The following PLEKHH2 variants were observed in gnomAD, a reference collection of about 807,000 sequenced individuals.
PLEKHH2 encodes pleckstrin homology domain-containing family H member 2.
PLEKHH2 carries 129 observed loss-of-function variants against 187.9 expected under a neutral mutation model. That is an observed-to-expected ratio of 0.69 (90% CI 0.59 to 0.79). PLEKHH2 has a LOEUF of 0.79. Among genes scored for constraint, PLEKHH2 ranks in the 30% least tolerant of loss-of-function variants. The probability of loss-of-function intolerance (pLI) is 0.00; values close to 1 mark genes in which losing one functional copy is unlikely to be tolerated. For missense variants in PLEKHH2, 2,076 were observed against 1,751.2 expected, an observed-to-expected ratio of 1.19 and a Z score of -3.31; for synonymous variants, 686 against 605.6, an observed-to-expected ratio of 1.13 and a Z score of -1.95.
In PLEKHH2 at chr2:43,743,835, T is replaced by C; in HGVS notation, c.3401T>C (p.Val1134Ala). The change falls in exon 23 of 30, where the codon GTA becomes GCA. Residue 1134 changes from valine to alanine, a missense_variant and splice_region_variant. Val to Ala is a moderately conservative substitution (Grantham distance 64, BLOSUM62 0). Transcript: ENST00000282406. ...PVHFMNGIYQ[V>A]VGFDASTTVE... The stretch of plus-strand genomic sequence containing the variant: ...AACTGCTTTGTTATTTCTGTCTAGG[T>C]AGTTGGTTTTGACGCATCTACCACA... The C allele has an allele frequency of 6.2e-7, 1 of 1,611,760 alleles. No individual in the cohort carries two copies.
At chr2:43,718,396 G>C (rs933543104) in intron 15 of PLEKHH2, among the ~76,000 whole-genome samples, 1 of 152,064 alleles carries the variant, frequency 6.6e-6, no homozygotes, top group African/African-American at 2.4e-5. Context: ...AAATTAGCTG[G>C]CCATGGTAGC....
At chr2:43,746,740 G>A (rs1671793022) in intron 24 of PLEKHH2, among the ~76,000 whole-genome samples, 1 of 152,022 alleles carries the variant, frequency 6.6e-6, no homozygotes, top group Non-Finnish European at 1.5e-5. Context: ...GGAGGCCGAG[G>A]CAGGTGGATC....
Position 43,697,196 on chromosome 2 carries a change from T to C in PLEKHH2, c.528T>C (p.Thr176=). 1 of 1,588,632 alleles carries C rather than the reference T, an allele frequency of 6.3e-7. No homozygotes were observed. ...LQEVQGKKSS[T]VSTLKLSEGQ... ...AAGTTCAAGGAAAGAAGTCATCCAC[T>C]GTCTCTACACTAAAGCTTTCGGAAG... Residue 176 remains threonine, a synonymous_variant, in exon 7 of 30, where the codon ACT becomes ACC. Coordinates refer to ENST00000282406, the MANE Select transcript of PLEKHH2 (RefSeq NM_172069.4).
At chr2:43,704,414 C>T (rs1433518238) in intron 9 of PLEKHH2, among the ~76,000 whole-genome samples, 3 of 152,014 alleles carry the variant, frequency 2.0e-5, no homozygotes, top group Non-Finnish European at 4.4e-5. Flanking sequence ...GTTATCCCAG[C>T]ACTTTGGGAG....
rs116225170 is a variant in PLEKHH2, at chr2:43,724,468, A to C, written c.2542-1804A>C. Among the ~76,000 whole-genome samples, 1,515 of 152,356 alleles carry C rather than the reference A, an allele frequency of 9.9e-3. 23 individuals carry two copies. The highest frequency in any genetic ancestry group is 0.03 in the African/African-American group (1,249 of 41,586). The stretch of plus-strand genomic sequence containing the variant: ...GGAATAAAGGTACTAAATTAGAGCA[A>C]AAGTTTTACAACAGATAGGCCAAAT... On this transcript the variant is annotated intron_variant, in intron 16 of 29. Transcript: ENST00000282406.
At chr2:43,742,623 CT>C (rs1671617832) in intron 21 of PLEKHH2, 117 bp from the exon 22 acceptor site, 3 of 678,950 alleles carry the variant, frequency 4.4e-6, no homozygotes, top group Non-Finnish European at 6.5e-6. Flanking sequence ...AAAAAAGTTA[CT>C]GTCAAAATTA....
intron 2 of PLEKHH2, among the ~76,000 whole-genome samples, chr2:43,647,119 T>C (rs1015360775): frequency 1.3e-5 from 2 of 152,182 alleles, no homozygotes; most frequent in African/African-American, 2.4e-5. Context: ...AAGCTCTGTA[T>C]AGGTATGGTA....
intron 8 of PLEKHH2, 39 bp downstream of exon 8, chr2:43,700,647 T>A (rs761214812): frequency 2.4e-5 from 37 of 1,552,052 alleles, no homozygotes; most frequent in Middle Eastern, 1.7e-4. Context: ...CGCAGTAGTT[T>A]TTTTCTCAAC....
At chr2:43,677,399 T>C (rs1432024766) in intron 2 of PLEKHH2, among the ~76,000 whole-genome samples, 1 of 152,134 alleles carries the variant, frequency 6.6e-6, no homozygotes, top group Non-Finnish European at 1.5e-5. Context: ...TGGTGATGAC[T>C]CTTAACGAGC....
intron 1 of PLEKHH2, among the ~76,000 whole-genome samples, chr2:43,638,287 ACT>A (rs1703213933): frequency 7.3e-6 from 1 of 136,932 alleles, no homozygotes; most frequent in Non-Finnish European, 1.6e-5. Context: ...ACACACACAC[ACT>A]CACACACACG....
intron 2 of PLEKHH2, among the ~76,000 whole-genome samples, chr2:43,647,205 T>C (rs1666223644): frequency 6.6e-6 from 1 of 152,204 alleles, no homozygotes; most frequent in Non-Finnish European, 1.5e-5. Flanking sequence ...AGGAAACTGT[T>C]GCTTACTATG....
chr2:43,681,046 C>A, intron 3 of PLEKHH2: 1 of 1,290,242 alleles, frequency 7.8e-7, no homozygotes, highest in Non-Finnish European at 1.1e-6. Context: ...GAATTCCTTC[C>A]TGTACCATTA....
chr2:43,694,969 T>C (rs1669016406), intron 5 of PLEKHH2, among the ~76,000 whole-genome samples, 174 bp from the exon 6 acceptor site: 1 of 152,178 alleles, frequency 6.6e-6, no homozygotes, highest in Admixed American at 6.5e-5. Context: ...ACCATAATTA[T>C]CTAGGTCGAT....
intron 2 of PLEKHH2, among the ~76,000 whole-genome samples, chr2:43,652,563 G>T (rs1666541147): frequency 6.6e-6 from 1 of 152,104 alleles, no homozygotes; most frequent in African/African-American, 2.4e-5. Flanking sequence ...AAGTCTCTAG[G>T]GACTCCATGA....
chr2:43,720,751 T>A lies in PLEKHH2; in HGVS notation c.2541+2T>A. On this transcript the variant is annotated splice_donor_variant, in intron 16 of 29. Transcript: ENST00000282406. LOFTEE classifies it high-confidence loss of function. ...TATTTTCGGAGTCAAGAAGATAAGG[T>A]ATGTATGTATTTTTAATATGCCAAT... 6.3e-7 allele frequency: 1 copy of A among 1,599,592 alleles called. No individual in the cohort carries two copies. Among genetic ancestry groups the A allele is most frequent in the Non-Finnish European group, 8.5e-7 (1 of 1,175,994 alleles).
intron 29 of PLEKHH2, 45 bp from the exon 30 acceptor site, chr2:43,765,368 T>A (rs1235783032): frequency 1.3e-6 from 2 of 1,580,708 alleles, no homozygotes; most frequent in Admixed American, 3.4e-5. Flanking sequence ...CTGGAAGTGA[T>A]GAGAACTTCT....
At chr2:43,754,201 C>CAAAAA (rs1282544786) in intron 25 of PLEKHH2, among the ~76,000 whole-genome samples, 33 of 115,050 alleles carry the variant, frequency 2.9e-4, no homozygotes, top group African/African-American at 1.2e-3. Flanking sequence ...CACACACACA[C>CAAAAA]ACACAAAATT....
At chr2:43,758,863 T>C in intron 26 of PLEKHH2, 37 bp from the exon 27 acceptor site, 4 of 1,527,572 alleles carry the variant, frequency 2.6e-6, no homozygotes, top group Non-Finnish European at 3.5e-6. Flanking sequence ...TGTTTTTGCT[T>C]TAGTGTTTTT....
chr2:43,747,649 T>C (rs1219727204), intron 24 of PLEKHH2, among the ~76,000 whole-genome samples: 4 of 152,218 alleles, frequency 2.6e-5, no homozygotes, highest in Admixed American at 2.0e-4. Context: ...TAGTACTTAA[T>C]AAACACTGTT....
Sources: allele counts gnomAD v4.1 joint callset (sites outside exome capture counted in the v4.1 genomes callset), GRCh38; gene constraint gnomAD v4.1.1; transcripts MANE v1.5; gene names NCBI Gene and HGNC (gene_info 2026-07-23, HGNC 2026-07-21).